Variants in KIR3DL2 observed in about 807,000 individuals in gnomAD.
The protein encoded by KIR3DL2 is killer cell immunoglobulin-like receptor 3DL2.
Under a neutral mutation model 41.6 loss-of-function variants are expected in KIR3DL2, and 42 were observed. That is an observed-to-expected ratio of 1.01 (90% CI 0.79 to 1.31). KIR3DL2 has a LOEUF of 1.31. Ranked by LOEUF, KIR3DL2 falls within the 50% of genes most tolerant of loss-of-function variation. The probability of loss-of-function intolerance (pLI) is 0.00; values close to 1 mark genes in which losing one functional copy is unlikely to be tolerated. For missense variants in KIR3DL2, 728 were observed against 576.8 expected (o/e 1.26, Z -2.68); for synonymous variants, 230 against 221.3 (o/e 1.04, Z -0.35).
intron 6 of KIR3DL2, among the ~76,000 whole-genome samples, chr19:54,860,065 A>T (rs1456764864): frequency 6.6e-6 from 1 of 152,060 alleles, no homozygotes; most frequent in East Asian, 1.9e-4. Context: ...CCCGGAAATC[A>T]TCCAGGATAC....
intron 2 of KIR3DL2, 71 bp from the exon 3 acceptor site, chr19:54,851,927 T>C: frequency 6.4e-7 from 1 of 1,567,846 alleles, no homozygotes; most frequent in Non-Finnish European, 8.7e-7. Context: ...AATGGGAGAA[T>C]CTTCTGAGCA....
At chr19:54,862,209 T>C (rs1048157187) in intron 6 of KIR3DL2, among the ~76,000 whole-genome samples, 1 of 152,166 alleles carries the variant, frequency 6.6e-6, no homozygotes, top group Non-Finnish European at 1.5e-5. Context: ...TCATCATTAT[T>C]TCCTGGCTGT....
At chr19:54,854,322 G>C (rs1245432536) in intron 4 of KIR3DL2, among the ~76,000 whole-genome samples, 1 of 151,788 alleles carries the variant, frequency 6.6e-6, no homozygotes, top group Non-Finnish European at 1.5e-5. Flanking sequence ...GTGCCAGAGA[G>C]AAGTGTCCTT....
intron 6 of KIR3DL2, among the ~76,000 whole-genome samples, chr19:54,863,870 G>A (rs1166330405): frequency 2.1e-4 from 32 of 152,036 alleles, no homozygotes; most frequent in South Asian, 6.2e-4. Flanking sequence ...ATTAGATCCC[G>A]TTTGTCAATT....
intron 5 of KIR3DL2, 98 bp from the exon 6 acceptor site, chr19:54,858,981 G>A: frequency 8.9e-7 from 1 of 1,126,366 alleles, no homozygotes; most frequent in Non-Finnish European, 1.3e-6. Context: ...TCCAACATTA[G>A]ATAACAGAGT....
rs193018967 is a variant in KIR3DL2 at position 54,866,718 on chromosome 19, A to G, written c.1355A>G (p.Glu452Gly). The change falls in exon 9 of 9, where the codon GAG becomes GGG. Residue 452 changes from glutamate to glycine, a missense_variant. Glu to Gly is a moderately conservative substitution (Grantham distance 98). Coordinates refer to ENST00000326321, the MANE Select transcript of KIR3DL2 (RefSeq NM_006737.4). The part of the protein sequence containing the change: ...SCPRAPQSGL[E>G]GVF The stretch of plus-strand genomic sequence containing the variant: ...CCACGAGCACCACAGTCAGGTCTTG[A>G]GGGGGTTTTCTAGGGAGACAACAGC... 6.2e-7 allele frequency: 1 copy of G among 1,613,706 alleles called. No individual in the cohort carries two copies. Among genetic ancestry groups the G allele is most frequent in the African/African-American group, 1.3e-5 (1 of 74,892 alleles).
intron 6 of KIR3DL2, among the ~76,000 whole-genome samples, chr19:54,864,584 G>A (rs2065382193): frequency 6.6e-6 from 1 of 151,970 alleles, no homozygotes; most frequent in Admixed American, 6.6e-5. Flanking sequence ...TCCCTTGTAA[G>A]TTGGATTCCT....
At chr19:54,862,814 T>C (rs1226437956) in intron 6 of KIR3DL2, among the ~76,000 whole-genome samples, 3 of 149,048 alleles carry the variant, frequency 2.0e-5, no homozygotes, top group Non-Finnish European at 4.5e-5. Context: ...TTTTTTTTTT[T>C]TTTTTTTTTT....
chr19:54,867,158 T>A lies in KIR3DL2; in HGVS notation c.*427T>A, dbSNP rs2145755585. ...ATCAGTAAAATTTATAAATTTTTTT[T>A]ATAACTTCAGTGTAGCTCTCTCCTC... On this transcript the variant is annotated 3_prime_UTR_variant, in exon 9 of 9. Coordinates refer to ENST00000326321, the MANE Select transcript of KIR3DL2 (RefSeq NM_006737.4). 4.7e-6 allele frequency: 1 copy of A among 211,312 alleles called. No homozygotes were observed. The highest frequency in any genetic ancestry group is 1.5e-4 in the East Asian group (1 of 6,872). The allele number at this position is 211,312 out of a possible 1,614,324, so 13.1% of individuals were successfully genotyped here.
Position 54,851,237 on chromosome 19 carries a change from G to GGGGCCT in KIR3DL2, c.55_60dup (p.Ala19_Trp20dup). 1 of 1,609,840 alleles carries GGGGCCT rather than the reference G, an allele frequency of 6.2e-7. No homozygotes were observed. The highest frequency in any genetic ancestry group is 8.5e-7 in the Non-Finnish European group (1 of 1,178,402). Reference sequence around the variant, plus strand: ...CTTTCCAGGGTTCTTCTTGCTGCAGGGGGCCTGGCCACTCATGGGTGAGTC... The same window carrying GGGGCCT: ...CTTTCCAGGGTTCTTCTTGCTGCAGGGGGCCTGGGCCTGGCCACTCATGGGTGAGTC... On this transcript the variant is annotated inframe_insertion, in exon 2 of 9. Transcript: ENST00000326321.
chr19:54,855,508 G>C (rs1211339981), intron 4 of KIR3DL2, 111 bp from the exon 5 acceptor site: 7 of 1,451,470 alleles, frequency 4.8e-6, no homozygotes, highest in Non-Finnish European at 5.6e-6. Context: ...GAGGGTGAGA[G>C]AGAGAGAGAG....
At chr19:54,861,909 C>CAA (rs2065205531) in intron 6 of KIR3DL2, among the ~76,000 whole-genome samples, 3 of 151,724 alleles carry the variant, frequency 2.0e-5, no homozygotes, top group African/African-American at 7.3e-5. Context: ...AGAAACTTTC[C>CAA]CCCTCACCCA....
intron 5 of KIR3DL2, 121 bp downstream of exon 5, chr19:54,856,033 G>C (rs146110080): frequency 2.0e-6 from 2 of 980,632 alleles, no homozygotes; most frequent in East Asian, 2.5e-5. Context: ...CTGGGTGTGA[G>C]GGGGGGGTCA....
rs2064995716 is a variant in KIR3DL2 at position 54,859,080 on chromosome 19, A to T, written c.951A>T (p.Gly317=). The change falls in exon 6 of 9, where the codon GGA becomes GGT. Residue 317 remains glycine, a splice_region_variant and synonymous_variant. Coordinates refer to ENST00000326321, the MANE Select transcript of KIR3DL2 (RefSeq NM_006737.4). ...SSDPLLVSVT[G]NPSSSWPSPT... is the part of the protein sequence containing the mutation. ...CATCTCTCCTGTCCCGTGTTCTAGG[A>T]AACCCTTCAAGTAGTTGGCCTTCAC... 18 of 1,613,576 alleles carry T rather than the reference A, an allele frequency of 1.1e-5. 1 individual carries two copies. Among genetic ancestry groups the T allele is most frequent in the Non-Finnish European group, 1.4e-5 (17 of 1,179,738 alleles).
chr19:54,859,858 C>G lies in KIR3DL2; in HGVS notation c.1000+729C>G, dbSNP rs1601798391. 4.6e-5 allele frequency among the ~76,000 whole-genome samples: 7 copies of G among 152,202 alleles called. No individual in the cohort carries two copies. The South Asian group carries it at 1.4e-3, about 32-fold the overall frequency. ...TCTCACTTTTCTCAGCTTCTAGAGG[C>G]TCCCATGTTCCTTGGCTCCTGGTAC... On this transcript the variant is annotated intron_variant, in intron 6 of 8. Coordinates refer to ENST00000326321, the MANE Select transcript of KIR3DL2 (RefSeq NM_006737.4).
intron 8 of KIR3DL2, 26 bp downstream of exon 8, chr19:54,866,448 C>T (rs748219676): frequency 6.2e-6 from 10 of 1,613,646 alleles, no homozygotes; most frequent in East Asian, 2.2e-5. Flanking sequence ...CCCAGCCTCA[C>T]GGATACAGTC....
At chr19:54,855,994 C>T in intron 5 of KIR3DL2, 82 bp downstream of exon 5, 2 of 1,520,120 alleles carry the variant, frequency 1.3e-6, no homozygotes, top group Non-Finnish European at 1.8e-6. Flanking sequence ...TGGGGAGAAG[C>T]ATGGACAGAT....
chr19:54,856,430 T>G (rs1250872350), intron 5 of KIR3DL2, among the ~76,000 whole-genome samples: 1 of 149,904 alleles, frequency 6.7e-6, no homozygotes, highest in Non-Finnish European at 1.5e-5. Context: ...GTTGTAATCT[T>G]GGCGCTTTGA....
Position 54,855,761 on chromosome 19 carries a change from C to T in KIR3DL2, c.798C>T (p.Leu266=). ...SREGEAHERR[L]RAVPKVNRTF... ...AAGGGGAGGCCCATGAACGTAGGCT[C>T]CGTGCAGTGCCCAAGGTCAACAGAA... is the stretch of plus-strand genomic sequence containing the variant. Residue 266 remains leucine, a synonymous_variant, in exon 5 of 9, where the codon CTC becomes CTT. Coordinates refer to ENST00000326321, the MANE Select transcript of KIR3DL2 (RefSeq NM_006737.4). 5 of 1,613,520 alleles carry T rather than the reference C, an allele frequency of 3.1e-6. No individual in the cohort carries two copies. Among genetic ancestry groups the T allele is most frequent in the Non-Finnish European group, 4.2e-6 (5 of 1,179,938 alleles).
Sources: gnomAD v4.1 joint callset for allele counts (sites outside exome capture counted in the v4.1 genomes callset) on GRCh38, gnomAD v4.1.1 for gene constraint, MANE v1.5 for transcripts, NCBI Gene and HGNC (gene_info 2026-07-23, HGNC 2026-07-21) for gene names.